IL4I1: variants seen among roughly 807,000 people sequenced by gnomAD.
The protein encoded by IL4I1 is interleukin 4 induced 1, also known as L-amino-acid oxidase.
A neutral mutation model predicts 29.7 loss-of-function variants in IL4I1; 24 were observed. The observed-to-expected ratio is 0.81, with a 90% CI of 0.59 to 1.14. The LOEUF is 1.14. IL4I1 is among the 50% of genes most tolerant of loss of function. The pLI is 0.00. For synonymous variants in IL4I1, 371 were observed against 352.5 expected (o/e 1.05, Z -0.59); for missense variants, 686 against 785.6 (o/e 0.87, Z 1.52).
Position 49,896,039 on chromosome 19 carries a change from C to T in IL4I1, c.28G>A (p.Val10Ile), listed in dbSNP as rs867448495. 4.3e-6 allele frequency: 7 copies of T among 1,613,840 alleles called. No homozygotes were observed. Among genetic ancestry groups the T allele is most frequent in the South Asian group, 3.3e-5 (3 of 91,056 alleles). The change falls in exon 3 of 8, where the codon GTC (valine) becomes ATC (isoleucine). Residue 10 changes from valine (V) to isoleucine (I), a missense_variant. Physicochemically the swap from Val to Ile is conservative, Grantham distance 29 (BLOSUM62 3). Transcript: ENST00000391826. ...AGGCTGAGGAGGATGGGGACGAGGA[C>T]GAGGAGGTGCAGGGCTGGGAGGAGG... MAPLALHLLVLVPILLSLVA... is the reference protein window; with the variant it reads MAPLALHLLILVPILLSLVA...
intron 7 of IL4I1, 43 bp downstream of exon 7, chr19:49,890,928 T>TGGGGGGGGGGGGG: frequency 9.5e-6 from 6 of 633,166 alleles, no homozygotes; most frequent in Non-Finnish European, 4.9e-6. Flanking sequence ...TTTCCCTGAT[T>TGGGGGGGGGGGGG]GCCCCCCGCC....
At position 49,896,575 on chromosome 19, in the gene IL4I1, A is replaced by G. The variant is rs568871408; in HGVS notation, c.-23+260T>C. The stretch of plus-strand genomic sequence containing the variant: ...CAGCCTCCCAAGTAACTGGGATTAC[A>G]GACACCCATAACCAAACCTGGCTAA... On this transcript the variant is annotated intron_variant, in intron 1 of 7. Coordinates refer to ENST00000391826, the MANE Select transcript of IL4I1 (RefSeq NM_152899.2). Among the ~76,000 whole-genome samples the G allele has an allele frequency of 4.6e-5, 7 of 152,182 alleles. No homozygotes were observed. The South Asian group carries it at 1.5e-3, about 32-fold the overall frequency.
rs149153176 is a variant in IL4I1 at position 49,927,327 on chromosome 19, G to A, written c.-228+367C>T. Among the ~76,000 whole-genome samples the A allele has an allele frequency of 3.9e-4, 60 of 152,124 alleles. 1 individual carries two copies. The East Asian group carries it at 9.8e-3, about 25-fold the overall frequency. ...AGGTATGTATAAAATTTGGCTTCCTGGGGCCACATTGAAGAATTGTCTTAG... is the reference window on the plus strand; with the variant it reads ...AGGTATGTATAAAATTTGGCTTCCTAGGGCCACATTGAAGAATTGTCTTAG... On this transcript the variant is annotated intron_variant, in intron 2 of 9. Transcript: ENST00000341114.
intron 2 of IL4I1, among the ~76,000 whole-genome samples, chr19:49,926,221 A>C: frequency 7.1e-6 from 1 of 141,816 alleles, no homozygotes. Flanking sequence ...AAAAAAAAAA[A>C]AAAAAAAAAG....
rs746344996 is a variant in IL4I1, at chr19:49,889,729, G to A, written c.1645C>T (p.Pro549Ser). Reference sequence around the variant, plus strand: ...AGAGATAACTGGCCTTGGACTGGAGGGTGGCTGCCTTCTTCCTTTGCCAGG... The same window carrying A: ...AGAGATAACTGGCCTTGGACTGGAGAGTGGCTGCCTTCTTCCTTTGCCAGG... ...HDLAKEEGSHPPVQGQLSLQN... is the reference protein window; with the variant it reads ...HDLAKEEGSHSPVQGQLSLQN... Residue 549 changes from proline to serine, a missense_variant, in exon 8 of 8, where the codon CCT becomes TCT. Physicochemically the swap from Pro to Ser is moderately conservative, Grantham distance 74 (BLOSUM62 -1). Transcript: ENST00000391826. 3.6e-5 allele frequency: 55 copies of A among 1,515,628 alleles called. No homozygotes were observed. Among genetic ancestry groups the A allele is most frequent in the Non-Finnish European group, 4.7e-5 (53 of 1,132,014 alleles). 93.9% of individuals were successfully genotyped at this position (1,515,628 alleles called of 1,614,324 possible).
At position 49,921,686 on chromosome 19, in the gene IL4I1, G is replaced by T. The variant is rs2075768499; in HGVS notation, c.-228+6008C>A. Among the ~76,000 whole-genome samples the T allele has an allele frequency of 6.6e-6, 1 of 152,210 alleles. No homozygotes were observed. Among genetic ancestry groups the T allele is most frequent in the Admixed American group, 6.5e-5 (1 of 15,284 alleles). The stretch of plus-strand genomic sequence containing the variant: ...CATGGGGGGTACCCCTCTGCCCATT[G>T]AGGGGGCACCTAGGGAGCCTAGGGG... On this transcript the variant is annotated intron_variant, in intron 2 of 9. Transcript: ENST00000341114. This position sits in a 1 kb window ranked among gnomAD's most constrained non-coding sequence, Gnocchi z 5.4.
intron 3 of IL4I1, among the ~76,000 whole-genome samples, chr19:49,903,714 C>T (rs996801779): frequency 6.6e-6 from 1 of 151,750 alleles, no homozygotes; most frequent in East Asian, 1.9e-4. Flanking sequence ...TTTTGCTTTG[C>T]AAGCCACTCA....
chr19:49,903,029 C>G (rs1250876643), intron 3 of IL4I1, among the ~76,000 whole-genome samples: 11 of 151,910 alleles, frequency 7.2e-5, no homozygotes, highest in Admixed American at 5.9e-4. Flanking sequence ...GCAGGAGAAT[C>G]GCTTGAACCC....
At chr19:49,907,113 G>C (rs1357441010) in intron 2 of IL4I1, 2 of 159,402 alleles carry the variant, frequency 1.3e-5, no homozygotes, top group Middle Eastern at 3.1e-3. Flanking sequence ...GACCGGGCTG[G>C]GGACACACGG....
At chr19:49,908,493 T>C in intron 2 of IL4I1, 1 of 1,614,110 alleles carries the variant, frequency 6.2e-7, no homozygotes, top group Non-Finnish European at 8.5e-7. Context: ...GCATCGATGT[T>C]CTCAGCCAGC....
chr19:49,894,427 G>A lies in IL4I1; in HGVS notation c.408C>T (p.Thr136=). 6.2e-7 allele frequency: 1 copy of A among 1,614,208 alleles called. No homozygotes were observed. Among genetic ancestry groups the A allele is most frequent in the Middle Eastern group, 1.6e-4 (1 of 6,062 alleles). Reference sequence around the variant, plus strand: ...TGTTCTTGTCGTACTGGGTGAACTTGGTCAGGTTGAGCCCCAGGCCCTGGC... The same window carrying A: ...TGTTCTTGTCGTACTGGGTGAACTTAGTCAGGTTGAGCCCCAGGCCCTGGC... The part of the protein sequence containing the change: ...KLCQGLGLNL[T]KFTQYDKNTW... The change falls in exon 5 of 8, where the codon ACC becomes ACT. Residue 136 remains threonine, a synonymous_variant. Coordinates refer to ENST00000391826, the MANE Select transcript of IL4I1 (RefSeq NM_152899.2).
chr19:49,901,589 C>T, upstream of IL4I1: 1 of 1,311,136 alleles, frequency 7.6e-7, no homozygotes. Context: ...CCCATGGAAC[C>T]CTCCTTCCTG....
intron 2 of IL4I1, among the ~76,000 whole-genome samples, chr19:49,919,571 C>T (rs2075714079): frequency 6.6e-6 from 1 of 152,222 alleles, no homozygotes; most frequent in South Asian, 2.1e-4. Flanking sequence ...TGTGGATTCA[C>T]TGATTTTCAA....
At chr19:49,909,753 C>T (rs2075415142) in intron 2 of IL4I1, 1 of 1,613,994 alleles carries the variant, frequency 6.2e-7, no homozygotes, top group Non-Finnish European at 8.5e-7. Context: ...TTTGCAGTGC[C>T]AAACGTGAAC....
chr19:49,890,234 C>T lies in IL4I1; in HGVS notation c.1140G>A (p.Ser380=). Residue 380 remains serine (S), a synonymous_variant, in exon 8 of 8, where the codon TCG becomes TCA. Coordinates refer to ENST00000391826, the MANE Select transcript of IL4I1 (RefSeq NM_152899.2). ...EGGHSNTDRP[S]RMIFYPPPRE... is the part of the protein sequence containing the mutation. Reference sequence around the variant, plus strand: ...GCGGCGGCGGGTAGAAAATCATGCGCGACGGGCGATCGGTGTTTGAGTGGC... The same window carrying T: ...GCGGCGGCGGGTAGAAAATCATGCGTGACGGGCGATCGGTGTTTGAGTGGC... The T allele has an allele frequency of 6.4e-7, 1 of 1,558,658 alleles. No homozygotes were observed.
In IL4I1 at chr19:49,896,135, C is replaced by T; in HGVS notation, c.13+13G>A. 6.4e-7 allele frequency: 1 copy of T among 1,556,906 alleles called. No individual in the cohort carries two copies. The highest frequency in any genetic ancestry group is 1.4e-5 in the African/African-American group (1 of 73,170). On this transcript the variant is annotated intron_variant, in intron 2 of 7. Coordinates refer to ENST00000391826, the MANE Select transcript of IL4I1 (RefSeq NM_152899.2). ...TACTCACTTGTTCCAGAGCCCCTCC[C>T]CTGCTTACTCACCCAATGGGGCCAT...
chr19:49,914,918 T>G (rs1045485902), intron 2 of IL4I1, among the ~76,000 whole-genome samples: 24 of 151,684 alleles, frequency 1.6e-4, no homozygotes, highest in Admixed American at 1.1e-3. Context: ...TTTTGTATTT[T>G]TAGTAGAGAC....
At chr19:49,899,080 G>A (rs139464019), upstream of IL4I1, among the ~76,000 whole-genome samples, 643 of 152,202 alleles carry the variant, frequency 4.2e-3, 27 homozygotes, top group South Asian at 0.1. Context: ...CCTGTGCCTC[G>A]ACCTGGGTCC....
Position 49,921,824 on chromosome 19 carries a change from G to A in IL4I1, c.-228+5870C>T, listed in dbSNP as rs572315403. Among the ~76,000 whole-genome samples the A allele has an allele frequency of 9.2e-5, 14 of 152,280 alleles. No individual in the cohort carries two copies. The highest frequency in any genetic ancestry group is 3.1e-4 in the African/African-American group (13 of 41,558). On this transcript the variant is annotated intron_variant, in intron 2 of 9. Transcript: ENST00000341114. This position sits in a 1 kb window ranked among gnomAD's most constrained non-coding sequence, Gnocchi z 5.4. ...GGCTCAAGCCCGGGTACTTTCCTCCGTGCCCAAGCAACCCTGTAGGAACCA... is the reference window on the plus strand; with the variant it reads ...GGCTCAAGCCCGGGTACTTTCCTCCATGCCCAAGCAACCCTGTAGGAACCA...
Sources: allele counts gnomAD v4.1 joint callset (sites outside exome capture counted in the v4.1 genomes callset), GRCh38; gene constraint gnomAD v4.1.1; non-coding constraint Gnocchi (gnomAD v3.1); transcripts MANE v1.5; gene names NCBI Gene and HGNC (gene_info 2026-07-23, HGNC 2026-07-21).